The following TNFRSF11B variants were observed in gnomAD, a reference collection of about 807,000 sequenced individuals.
The protein encoded by TNFRSF11B is tumor necrosis factor receptor superfamily member 11B.
A neutral mutation model predicts 43.4 loss-of-function variants in TNFRSF11B; 16 were observed. That is an observed-to-expected ratio of 0.37 (90% confidence interval 0.25 to 0.56). The LOEUF (loss-of-function observed/expected upper bound fraction) is 0.56, where lower values mean the gene tolerates loss of function less well. TNFRSF11B is among the 20% of genes least tolerant of loss of function. The pLI is 0.80. For synonymous variants in TNFRSF11B, 185 were observed against 181.8 expected (o/e 1.02, Z -0.14); for missense variants, 444 against 490.1 (o/e 0.91, Z 0.89).
intron 4 of TNFRSF11B, among the ~76,000 whole-genome samples, chr8:118,925,510 G>A (rs1297098745): frequency 6.6e-6 from 1 of 152,200 alleles, no homozygotes; most frequent in Admixed American, 6.5e-5. Flanking sequence ...TACGTTCAAA[G>A]AATACTTTTG....
intron 2 of TNFRSF11B, among the ~76,000 whole-genome samples, chr8:118,932,311 T>C (rs1812341538): frequency 6.6e-6 from 1 of 152,208 alleles, no homozygotes; most frequent in Non-Finnish European, 1.5e-5. Context: ...AAGTGCTTGC[T>C]CTTGGCTTGA....
chr8:118,934,685 G>A (rs1294855467), intron 1 of TNFRSF11B, among the ~76,000 whole-genome samples: 1 of 149,400 alleles, frequency 6.7e-6, no homozygotes, highest in African/African-American at 2.5e-5. Context: ...GTGTGTAGGG[G>A]GTGGTTTGTT....
chr8:118,942,522 A>G (rs1370736246), intron 1 of TNFRSF11B, among the ~76,000 whole-genome samples: 1 of 152,102 alleles, frequency 6.6e-6, no homozygotes, highest in East Asian at 1.9e-4. Flanking sequence ...TATTGACTGC[A>G]TGTCTATGAT....
chr8:118,940,342 G>T (rs1220477243), intron 1 of TNFRSF11B, among the ~76,000 whole-genome samples: 1 of 152,110 alleles, frequency 6.6e-6, no homozygotes, highest in Non-Finnish European at 1.5e-5. Context: ...AAAGAAAAGG[G>T]TGTTAAATGG....
intron 2 of TNFRSF11B, among the ~76,000 whole-genome samples, chr8:118,929,853 C>A (rs546250772): frequency 9.9e-5 from 15 of 152,246 alleles, no homozygotes; most frequent in Admixed American, 2.0e-4. Context: ...ATTTTACAGG[C>A]CAATTCTGGC....
intron 2 of TNFRSF11B, among the ~76,000 whole-genome samples, chr8:118,932,503 A>C (rs1336811840): frequency 2.6e-5 from 4 of 152,098 alleles, no homozygotes; most frequent in African/African-American, 9.7e-5. Flanking sequence ...TATTGTTAGC[A>C]CTCCAGAGTC....
intron 4 of TNFRSF11B, among the ~76,000 whole-genome samples, 181 bp downstream of exon 4, chr8:118,926,313 G>T (rs1812243039): frequency 1.3e-5 from 2 of 152,082 alleles, no homozygotes; most frequent in Admixed American, 6.6e-5. Context: ...ACAAAACCTT[G>T]TATAACTGTT....
chr8:118,944,251 C>T (rs569423026), intron 1 of TNFRSF11B, among the ~76,000 whole-genome samples: 2 of 152,242 alleles, frequency 1.3e-5, no homozygotes, highest in African/African-American at 4.8e-5. Flanking sequence ...AGACTCTTAC[C>T]ATTGTCCTCT....
chr8:118,939,566 G>T (rs141056192), intron 1 of TNFRSF11B, among the ~76,000 whole-genome samples: 2 of 152,108 alleles, frequency 1.3e-5, no homozygotes, highest in African/African-American at 4.8e-5. Flanking sequence ...GGAAGCAATC[G>T]AAGAGCACAT....
At chr8:118,931,050 G>A (rs1224493824) in intron 2 of TNFRSF11B, among the ~76,000 whole-genome samples, 1 of 152,160 alleles carries the variant, frequency 6.6e-6, no homozygotes, top group Non-Finnish European at 1.5e-5. Context: ...TAATGATGGA[G>A]AAATTTGGCT....
At chr8:118,936,839 T>C (rs1486268638) in intron 1 of TNFRSF11B, among the ~76,000 whole-genome samples, 5 of 152,128 alleles carry the variant, frequency 3.3e-5, no homozygotes, top group African/African-American at 1.2e-4. Flanking sequence ...AAAAGCCTAC[T>C]CTATTTTTTG....
chr8:118,934,770 C>T (rs553116211), intron 1 of TNFRSF11B, among the ~76,000 whole-genome samples: 3 of 152,182 alleles, frequency 2.0e-5, no homozygotes, highest in African/African-American at 7.2e-5. Context: ...TAATTTTTTC[C>T]AAACTCTCTT....
At chr8:118,932,830 G>T in intron 2 of TNFRSF11B, 101 bp downstream of exon 2, 3 of 1,501,182 alleles carry the variant, frequency 2.0e-6, no homozygotes, top group Non-Finnish European at 2.7e-6. Context: ...TTTGCAATTT[G>T]CTATCCTATA....
intron 1 of TNFRSF11B, among the ~76,000 whole-genome samples, chr8:118,943,944 G>T: frequency 6.6e-6 from 1 of 152,176 alleles, no homozygotes; most frequent in Middle Eastern, 3.4e-3. Context: ...TTGAATTTTC[G>T]AAGTTTCAGC....
chr8:118,939,280 C>A (rs1994276), intron 1 of TNFRSF11B, among the ~76,000 whole-genome samples: 35,276 of 152,070 alleles, frequency 0.23, 4,535 homozygotes, highest in African/African-American at 0.35. Context: ...TTCATTTATT[C>A]ATTCAACAAG....
At chr8:118,936,866 T>TA (rs1213260981) in intron 1 of TNFRSF11B, among the ~76,000 whole-genome samples, 1 of 152,186 alleles carries the variant, frequency 6.6e-6, no homozygotes, top group Non-Finnish European at 1.5e-5. Context: ...GCTTGACTTT[T>TA]AAAAAAAGAA....
intron 1 of TNFRSF11B, among the ~76,000 whole-genome samples, chr8:118,949,246 C>G: frequency 6.6e-6 from 1 of 152,072 alleles, no homozygotes; most frequent in East Asian, 1.9e-4. Flanking sequence ...TGCCTTCTCT[C>G]ACTTCTTTGG....
At chr8:118,936,798 G>C in intron 1 of TNFRSF11B, among the ~76,000 whole-genome samples, 1 of 152,074 alleles carries the variant, frequency 6.6e-6, no homozygotes, top group African/African-American at 2.4e-5. Context: ...GCGAGACTCT[G>C]TCTCAAAACA....
In TNFRSF11B at chr8:118,933,145, G is replaced by A. The variant is rs142201380; in HGVS notation, c.186C>T (p.Cys62=). Residue 62 remains cysteine, a synonymous_variant, in exon 2 of 5, where the codon TGC becomes TGT. Coordinates refer to ENST00000297350, the MANE Select transcript of TNFRSF11B (RefSeq NM_002546.4). ...QHCTAKWKTV[C]APCPDHYYTD... is the part of the protein sequence containing the mutation. ...TGTAGTAGTGGTCAGGGCAAGGGGC[G>A]CACACGGTCTTCCACTTTGCTGTAC... 4.8e-4 allele frequency: 780 copies of A among 1,614,178 alleles called. 4 individuals are homozygous for A. In the African/African-American group the frequency reaches 8.9e-3, roughly 18 times the overall value.
Sources: allele counts gnomAD v4.1 joint callset (sites outside exome capture counted in the v4.1 genomes callset), GRCh38; gene constraint gnomAD v4.1.1; transcripts MANE v1.5; gene names NCBI Gene and HGNC (gene_info 2026-07-23, HGNC 2026-07-21).